MORC2: variants seen among roughly 807,000 people sequenced by gnomAD.
MORC2 encodes ATPase MORC2.
MORC2 carries 30 observed loss-of-function variants against 136.0 expected under a neutral mutation model. The ratio of observed to expected loss-of-function variants is 0.22; its 90% confidence interval spans 0.17 to 0.30. The LOEUF (loss-of-function observed/expected upper bound fraction) is 0.30. Ranked by LOEUF, MORC2 falls within the 10% of genes least tolerant of loss-of-function variation. The pLI is 1.00. For missense variants in MORC2, 922 were observed against 1,333.1 expected (o/e 0.69, Z 4.80); for synonymous variants, 439 against 487.0 (o/e 0.90, Z 1.30).
Position 30,932,893 on chromosome 22 carries a change from G to A in MORC2, c.2518C>T (p.Arg840Cys), listed in dbSNP as rs771558349. The A allele has an allele frequency of 1.9e-6, 3 of 1,614,044 alleles. No individual in the cohort carries two copies. The highest frequency in any genetic ancestry group is 2.5e-6 in the Non-Finnish European group (3 of 1,180,024). The change falls in exon 22 of 26, where the codon CGC (arginine) becomes TGC (cysteine). Residue 840 changes from arginine (R) to cysteine (C), a missense_variant. This residue lies in a region of MORC2 where 263 missense variants were observed against 388.3 expected (regional missense o/e 0.68). Transcript: ENST00000397641. The surrounding 1 kb of genome is among the most constrained non-coding windows in gnomAD (Gnocchi z 4.4). The part of the protein sequence containing the change: ...YVPTDTTPRD[R>C]WVEKGSEDVR... ...CCTCCCTGATTGGGGCATTACCAGCGGTCTCTTGGTGTCGTGTCTGTGGGC... is the reference window on the plus strand; with the variant it reads ...CCTCCCTGATTGGGGCATTACCAGCAGTCTCTTGGTGTCGTGTCTGTGGGC...
At chr22:30,933,374 G>A in intron 21 of MORC2, 92 bp downstream of exon 21, 1 of 1,403,738 alleles carries the variant, frequency 7.1e-7, no homozygotes, top group Non-Finnish European at 9.9e-7. Context: ...CAGATTCAAT[G>A]AGCCTTTGGT....
intron 1 of MORC2, among the ~76,000 whole-genome samples, chr22:30,963,037 G>A (rs527648300): frequency 2.6e-5 from 4 of 151,784 alleles, no homozygotes; most frequent in African/African-American, 4.8e-5. Context: ...GCAGTGGTGC[G>A]ATCGGCTCAC....
intron 17 of MORC2, among the ~76,000 whole-genome samples, chr22:30,936,290 G>C (rs952538424): frequency 1.3e-5 from 2 of 152,148 alleles, no homozygotes; most frequent in African/African-American, 4.8e-5. Flanking sequence ...AAGTATATAA[G>C]CATTTTTTCT....
intron 9 of MORC2, 71 bp from the exon 10 acceptor site, chr22:30,940,908 G>A (rs1319226949): frequency 1.5e-6 from 2 of 1,292,346 alleles, no homozygotes; most frequent in Non-Finnish European, 2.3e-6. Flanking sequence ...AGCACAGGAA[G>A]CACCCTGCCT....
rs748020989 is a variant in MORC2 at position 30,937,116 on chromosome 22, C to T, written c.1499-79G>A. On this transcript the variant is annotated intron_variant, in intron 15 of 25. Transcript: ENST00000397641. This position sits in a 1 kb window ranked among gnomAD's most constrained non-coding sequence, Gnocchi z 4.7. The stretch of plus-strand genomic sequence containing the variant: ...TAATCCGGGTTCCTCACAGGCCCAC[C>T]ACAATGATGCCCCAGACTTTGTAGG... 3.8e-4 allele frequency: 370 copies of T among 964,998 alleles called. No individual in the cohort carries two copies. Among genetic ancestry groups the T allele is most frequent in the Non-Finnish European group, 5.9e-4 (355 of 605,558 alleles). The allele number at this position is 964,998 out of a possible 1,614,324, so 59.8% of individuals were successfully genotyped here.
At chr22:30,933,175 C>G (rs923895141) in intron 21 of MORC2, 145 bp from the exon 22 acceptor site, 2 of 1,237,650 alleles carry the variant, frequency 1.6e-6, no homozygotes, top group Admixed American at 4.4e-5. Context: ...GACACAGAGA[C>G]CAGGGACCAG....
At chr22:30,951,045 G>A (rs552190715) in intron 3 of MORC2, among the ~76,000 whole-genome samples, 1 of 152,268 alleles carries the variant, frequency 6.6e-6, no homozygotes, top group South Asian at 2.1e-4. Flanking sequence ...CATATCCCCT[G>A]CTAGCTATGG....
At chr22:30,963,718 T>C (rs1398821766) in intron 1 of MORC2, among the ~76,000 whole-genome samples, 1 of 152,210 alleles carries the variant, frequency 6.6e-6, no homozygotes, top group Admixed American at 6.5e-5. Context: ...TGTGTCACAG[T>C]ATAAACAGTT....
chr22:30,958,274 C>A (rs2040994823), intron 2 of MORC2, among the ~76,000 whole-genome samples: 1 of 152,204 alleles, frequency 6.6e-6, no homozygotes, highest in South Asian at 2.1e-4. Context: ...GGTGTACTAT[C>A]CTGCTAGCAC....
chr22:30,939,622 G>C lies in MORC2; in HGVS notation c.1072C>G (p.Arg358Gly). The change falls in exon 12 of 26, where the codon CGA (arginine) becomes GGA (glycine). Residue 358 changes from arginine to glycine, a missense_variant and splice_region_variant. Coordinates refer to ENST00000397641, the MANE Select transcript of MORC2 (RefSeq NM_001303256.3). The part of the protein sequence containing the change: ...VKKRIKEAKQ[R>G]ALKEPKELNF... ...TCCAAGGACAGGCCTGGCACTCACCGCTGCTTGGCCTCCTTGATCCTCTTC... is the reference window on the plus strand; with the variant it reads ...TCCAAGGACAGGCCTGGCACTCACCCCTGCTTGGCCTCCTTGATCCTCTTC... 1 of 1,613,978 alleles carries C rather than the reference G, an allele frequency of 6.2e-7. No homozygotes were observed. Among genetic ancestry groups the C allele is most frequent in the Non-Finnish European group, 8.5e-7 (1 of 1,179,960 alleles).
chr22:30,967,568 G>A, intron 1 of MORC2: 2 of 1,303,526 alleles, frequency 1.5e-6, no homozygotes, highest in South Asian at 1.7e-5. Flanking sequence ...TCAACATATT[G>A]ACTTCAAATA....
intron 1 of MORC2, among the ~76,000 whole-genome samples, chr22:30,963,958 C>T (rs2041087429): frequency 6.6e-6 from 1 of 152,068 alleles, no homozygotes; most frequent in Non-Finnish European, 1.5e-5. Flanking sequence ...ATTGAAATGG[C>T]TTTAATATAT....
In MORC2 at chr22:30,935,167, A is replaced by G. The variant is rs749182345; in HGVS notation, c.1813-6T>C. 4 of 1,611,700 alleles carry G rather than the reference A, an allele frequency of 2.5e-6. No homozygotes were observed. In the African/African-American group the frequency reaches 4.0e-5, roughly 16 times the overall value. On this transcript the variant is annotated splice_polypyrimidine_tract_variant and splice_region_variant and intron_variant, in intron 18 of 25. Coordinates refer to ENST00000397641, the MANE Select transcript of MORC2 (RefSeq NM_001303256.3). ...TGAGGTCTACGCACAGGTTCCTAAA[A>G]AAAGGCCCACAGAGAGTGAGAACAC...
chr22:30,936,821 T>A, intron 16 of MORC2, 111 bp downstream of exon 16: 1 of 1,307,162 alleles, frequency 7.7e-7, no homozygotes, highest in Non-Finnish European at 1.1e-6. Flanking sequence ...CTTGGGCAGT[T>A]ATTAGGTGTG....
At chr22:30,958,758 C>G (rs777667127) in intron 1 of MORC2, 64 bp from the exon 2 acceptor site, 19 of 1,364,596 alleles carry the variant, frequency 1.4e-5, no homozygotes, top group Non-Finnish European at 1.9e-5. Context: ...TAATAAAAAG[C>G]CATGGTTATA....
intron 4 of MORC2, 40 bp downstream of exon 4, chr22:30,950,337 G>GCGGGGGGCC: frequency 1.3e-6 from 1 of 761,742 alleles, no homozygotes; most frequent in Non-Finnish European, 2.3e-6. Flanking sequence ...TGGTTACATC[G>GCGGGGGGCC]CACCCCCCCA....
At chr22:30,950,233 T>C (rs2040867966) in intron 4 of MORC2, 144 bp downstream of exon 4, 2 of 807,900 alleles carry the variant, frequency 2.5e-6, no homozygotes, top group South Asian at 3.4e-5. Context: ...GCCTGAGATG[T>C]TGCAACAGAC....
intron 1 of MORC2, chr22:30,967,092 G>A: frequency 2.0e-6 from 2 of 984,640 alleles, no homozygotes; most frequent in South Asian, 4.7e-5. Flanking sequence ...ACAGGTGAAT[G>A]TATTAAAACA....
intron 1 of MORC2, among the ~76,000 whole-genome samples, chr22:30,959,964 TTTTTG>T (rs980432548): frequency 5.9e-5 from 9 of 152,218 alleles, no homozygotes; most frequent in Non-Finnish European, 1.0e-4. Flanking sequence ...AAATGCAATT[TTTTTG>T]TTTTGTTTTG....
Sources: allele counts gnomAD v4.1 joint callset (sites outside exome capture counted in the v4.1 genomes callset), GRCh38; gene constraint gnomAD v4.1.1; regional missense constraint gnomAD v4.1.1; non-coding constraint Gnocchi (gnomAD v3.1); transcripts MANE v1.5; gene names NCBI Gene and HGNC (gene_info 2026-07-23, HGNC 2026-07-21).